Variants in P2RX4 observed in about 807,000 individuals in gnomAD.
P2RX4 encodes P2X purinoceptor 4.
A neutral mutation model predicts 48.0 loss-of-function variants in P2RX4; 37 were observed. That is an observed-to-expected ratio of 0.77 (90% CI 0.59 to 1.01). P2RX4 has a LOEUF of 1.01. P2RX4 is among the 50% of genes least tolerant of loss of function. P2RX4 has a pLI of 0.00. For missense variants in P2RX4, 501 were observed against 521.4 expected, an observed-to-expected ratio of 0.96 and a Z score of 0.38; for synonymous variants, 200 against 199.7, an observed-to-expected ratio of 1.00 and a Z score of -0.01.
Position 121,210,450 on chromosome 12 carries a change from G to A in P2RX4, c.134+152G>A, listed in dbSNP as rs574387188. 1.3e-5 allele frequency: 9 copies of A among 710,694 alleles called. No homozygotes were observed. The Admixed American group carries it at 3.6e-4, about 28-fold the overall frequency. 44.0% of individuals were successfully genotyped at this position (710,694 alleles called of 1,614,324 possible). On this transcript the variant is annotated intron_variant, in intron 1 of 11. Coordinates refer to ENST00000337233, the MANE Select transcript of P2RX4 (RefSeq NM_002560.3). ...CCTGGGCCCCAGCCGCCGCGCCGGG[G>A]CCCCGGGGGCGGGAGGCTGCTTGCT...
chr12:121,220,495 G>C (rs142125369), intron 2 of P2RX4, among the ~76,000 whole-genome samples: 1 of 151,962 alleles, frequency 6.6e-6, no homozygotes, highest in Admixed American at 6.6e-5. Context: ...AATTAGCCAG[G>C]TGTGGTGATG....
intron 5 of P2RX4, 34 bp from the exon 6 acceptor site, chr12:121,228,499 T>C: frequency 7.2e-7 from 1 of 1,392,794 alleles, no homozygotes; most frequent in Non-Finnish European, 1.0e-6. Flanking sequence ...TTTGTATGTA[T>C]TTTATTAACA....
At chr12:121,222,202 T>G (rs1886666436) in intron 4 of P2RX4, 36 bp downstream of exon 4, 1 of 1,404,724 alleles carries the variant, frequency 7.1e-7, no homozygotes, top group African/African-American at 1.4e-5. Context: ...GGGCGGCCCC[T>G]GAGCAGATCG....
At chr12:121,227,314 A>G (rs1016962436) in intron 5 of P2RX4, among the ~76,000 whole-genome samples, 2 of 152,200 alleles carry the variant, frequency 1.3e-5, no homozygotes, top group African/African-American at 4.8e-5. Context: ...ATACAGTGCC[A>G]GATTCTCCAG....
Position 121,217,170 on chromosome 12 carries a change from T to G in P2RX4, c.171T>G (p.Thr57=), listed in dbSNP as rs201386403. ...TGTGGGAAAAGGGCTACCAGGAAAC[T>G]GACTCCGTGGTCAGCTCCGTTACGA... ...VFVWEKGYQE[T]DSVVSSVTTK... The change falls in exon 2 of 12, where the codon ACT becomes ACG. Residue 57 remains threonine, a synonymous_variant. Coordinates refer to ENST00000337233, the MANE Select transcript of P2RX4 (RefSeq NM_002560.3). 70 of 1,614,092 alleles carry G rather than the reference T, an allele frequency of 4.3e-5. 1 individual carries two copies. In the Admixed American group the frequency reaches 5.5e-4, roughly 13 times the overall value.
At position 121,233,596 on chromosome 12, in the gene P2RX4, G is replaced by A. The variant is rs1047110217; in HGVS notation, c.*47G>A. 2 of 1,590,894 alleles carry A rather than the reference G, an allele frequency of 1.3e-6. No individual in the cohort carries two copies. The highest frequency in any genetic ancestry group is 2.7e-5 in the African/African-American group (2 of 74,464). On this transcript the variant is annotated 3_prime_UTR_variant, in exon 12 of 12. Coordinates refer to ENST00000337233, the MANE Select transcript of P2RX4 (RefSeq NM_002560.3). ...CTCCACAGCCCCATCAAAGAACAGA[G>A]AGGAGGAGGAGGGAGAAATGGCCAC... is the stretch of plus-strand genomic sequence containing the variant.
At chr12:121,221,479 C>T (rs1157026084) in intron 2 of P2RX4, among the ~76,000 whole-genome samples, 6 of 150,548 alleles carry the variant, frequency 4.0e-5, no homozygotes, top group Admixed American at 1.3e-4. Context: ...CTGCAACCTC[C>T]GACTCCCGGG....
At chr12:121,223,176 T>G (rs988413430) in intron 5 of P2RX4, 133 bp downstream of exon 5, 3 of 642,726 alleles carry the variant, frequency 4.7e-6, no homozygotes, top group Non-Finnish European at 8.5e-6. Flanking sequence ...CGTGTTCAAG[T>G]GATTTTCTGT....
In P2RX4 at chr12:121,223,178, A is replaced by G. The variant is rs535206313; in HGVS notation, c.524+135A>G. 76 of 647,610 alleles carry G rather than the reference A, an allele frequency of 1.2e-4. 1 individual carries two copies. In the East Asian group the frequency reaches 1.9e-3, roughly 17 times the overall value. 40.1% of individuals were successfully genotyped at this position (647,610 alleles called of 1,614,324 possible). A position where few individuals can be genotyped will look rare whatever the true frequency, so the allele number is the denominator to read the frequency against. On this transcript the variant is annotated intron_variant, in intron 5 of 11. Coordinates refer to ENST00000337233, the MANE Select transcript of P2RX4 (RefSeq NM_002560.3). The stretch of plus-strand genomic sequence containing the variant: ...AACCTCCACCTCCCGTGTTCAAGTG[A>G]TTTTCTGTGCCTCAGCCTCCCGAGT...
At chr12:121,230,463 G>A (rs1456945003) in intron 8 of P2RX4, among the ~76,000 whole-genome samples, 1 of 152,256 alleles carries the variant, frequency 6.6e-6, no homozygotes, top group Non-Finnish European at 1.5e-5. Context: ...CCTCCCCCTA[G>A]TGGTGACGTG....
chr12:121,231,177 CG>C (rs1173992744), intron 8 of P2RX4, among the ~76,000 whole-genome samples: 1 of 151,680 alleles, frequency 6.6e-6, no homozygotes, highest in Non-Finnish European at 1.5e-5. Context: ...TTATTAGAGA[CG>C]GGGTTTCTCC....
intron 2 of P2RX4, among the ~76,000 whole-genome samples, chr12:121,218,913 A>G (rs551785024): frequency 1.3e-5 from 2 of 151,938 alleles, no homozygotes; most frequent in Non-Finnish European, 2.9e-5. Context: ...TAATCTCAAC[A>G]CTTTTGGAGG....
intron 2 of P2RX4, among the ~76,000 whole-genome samples, chr12:121,217,696 C>T (rs572480702): frequency 5.5e-5 from 8 of 144,790 alleles, no homozygotes; most frequent in Middle Eastern, 3.6e-3. Context: ...GAGGCTGGGG[C>T]GGGCAGATAC....
At position 121,229,081 on chromosome 12, in the gene P2RX4, C is replaced by A; in HGVS notation, c.866C>A (p.Ser289Tyr). 1 of 1,614,172 alleles carries A rather than the reference C, an allele frequency of 6.2e-7. No homozygotes were observed. Among genetic ancestry groups the A allele is most frequent in the Non-Finnish European group, 8.5e-7 (1 of 1,180,020 alleles). ...LDTRDVEHNVSPGYNFRFAKY... is the reference protein window; with the variant it reads ...LDTRDVEHNVYPGYNFRFAKY... ...ACACGGGACGTTGAGCACAACGTATCTCCTGGCTACAATTTCAGGTGGGCG... is the reference window on the plus strand; with the variant it reads ...ACACGGGACGTTGAGCACAACGTATATCCTGGCTACAATTTCAGGTGGGCG... Residue 289 changes from serine to tyrosine, a missense_variant, in exon 8 of 12, where the codon TCT (serine) becomes TAT (tyrosine). This residue lies in a region of P2RX4 where 197 missense variants were observed against 219.5 expected (regional missense o/e 0.90). Transcript: ENST00000337233. The surrounding 1 kb of genome is among the most constrained non-coding windows in gnomAD (Gnocchi z 4.6).
chr12:121,211,254 G>A (rs572126879), intron 1 of P2RX4, among the ~76,000 whole-genome samples: 1 of 152,280 alleles, frequency 6.6e-6, no homozygotes, highest in East Asian at 1.9e-4. Flanking sequence ...CCGGGCTGGA[G>A]TGCAATGGCA....
chr12:121,228,691 G>A (rs377138296), intron 6 of P2RX4, 34 bp from the exon 7 acceptor site: 88 of 1,613,604 alleles, frequency 5.5e-5, no homozygotes, highest in Admixed American at 1.3e-4. Flanking sequence ...TGAGGTTTTC[G>A]TCGCTCTGAT....
In P2RX4 at chr12:121,233,572, T is replaced by C. The variant is rs1887515282; in HGVS notation, c.*23T>C. 1 of 1,605,832 alleles carries C rather than the reference T, an allele frequency of 6.2e-7. No homozygotes were observed. The highest frequency in any genetic ancestry group is 1.7e-5 in the Admixed American group (1 of 58,894). On this transcript the variant is annotated 3_prime_UTR_variant, in exon 12 of 12. Coordinates refer to ENST00000337233, the MANE Select transcript of P2RX4 (RefSeq NM_002560.3). The stretch of plus-strand genomic sequence containing the variant: ...TGAGGCCTACCCCACACCTGGGCTC[T>C]CCACAGCCCCATCAAAGAACAGAGA...
intron 11 of P2RX4, 31 bp from the exon 12 acceptor site, chr12:121,233,492 C>T (rs1300441377): frequency 3.8e-6 from 6 of 1,599,096 alleles, no homozygotes; most frequent in Non-Finnish European, 5.1e-6. Context: ...GTCCCAGGGG[C>T]ACCTTGATCT....
At chr12:121,220,418 T>C (rs1340054557) in intron 2 of P2RX4, among the ~76,000 whole-genome samples, 1 of 152,016 alleles carries the variant, frequency 6.6e-6, no homozygotes, top group African/African-American at 2.4e-5. Context: ...GGTAGATCAC[T>C]TGAGGCCAGG....
Sources: allele counts gnomAD v4.1 joint callset (sites outside exome capture counted in the v4.1 genomes callset), GRCh38; gene constraint gnomAD v4.1.1; regional missense constraint gnomAD v4.1.1; non-coding constraint Gnocchi (gnomAD v3.1); transcripts MANE v1.5; gene names NCBI Gene and HGNC (gene_info 2026-07-23, HGNC 2026-07-21).